Variants in SRGAP2 observed in about 807,000 individuals in gnomAD.
The protein encoded by SRGAP2 is SLIT-ROBO Rho GTPase activating protein 2.
Under a neutral mutation model 57.2 loss-of-function variants are expected in SRGAP2, and 15 were observed. The ratio of observed to expected loss-of-function variants is 0.26; its 90% CI spans 0.18 to 0.40. The LOEUF is 0.40. Ranked by LOEUF, SRGAP2 falls within the 10% of genes least tolerant of loss-of-function variation. The pLI is 1.00. For missense variants in SRGAP2, 520 were observed against 669.6 expected (o/e 0.78, Z 2.47); for synonymous variants, 249 against 248.0 (o/e 1.00, Z -0.04).
intron 2 of SRGAP2, among the ~76,000 whole-genome samples, chr1:206,262,289 C>G (rs538906415): frequency 4.9e-4 from 73 of 148,990 alleles, no homozygotes; most frequent in African/African-American, 1.8e-3. Flanking sequence ...TGATATCTAC[C>G]ATGCAGTGTT....
At chr1:206,426,540 G>A (rs1660813946) in intron 13 of SRGAP2, among the ~76,000 whole-genome samples, 1 of 152,150 alleles carries the variant, frequency 6.6e-6, no homozygotes, top group South Asian at 2.1e-4. Flanking sequence ...TTAGTTTCTT[G>A]AGGAGCTTCC....
intron 8 of SRGAP2, among the ~76,000 whole-genome samples, chr1:206,404,704 C>A (rs563390307): frequency 2.0e-5 from 3 of 152,228 alleles, no homozygotes; most frequent in Non-Finnish European, 1.5e-5. Flanking sequence ...AGATTCCATA[C>A]CCCCTCGGGC....
intron 14 of SRGAP2, among the ~76,000 whole-genome samples, chr1:206,435,899 T>C (rs1258111397): frequency 6.6e-6 from 1 of 152,218 alleles, no homozygotes; most frequent in Non-Finnish European, 1.5e-5. Context: ...GAAATTCTTG[T>C]GCACATTATC....
At chr1:206,457,322 G>C (rs782817832) in intron 21 of SRGAP2, among the ~76,000 whole-genome samples, 2 of 152,172 alleles carry the variant, frequency 1.3e-5, no homozygotes, top group South Asian at 4.1e-4. Context: ...TAAAAAAGAC[G>C]AGGTCCCTGA....
chr1:206,447,512 G>T (rs1398709013), intron 18 of SRGAP2, among the ~76,000 whole-genome samples: 3 of 152,294 alleles, frequency 2.0e-5, no homozygotes, highest in African/African-American at 7.2e-5. Flanking sequence ...GGTCCAAGCT[G>T]GAGGAACCTA....
rs1360335812 is a variant in SRGAP2, at chr1:206,464,143, T to A, written c.*2723T>A. 1.3e-5 allele frequency: 2 copies of A among 152,504 alleles called. No individual in the cohort carries two copies. Among genetic ancestry groups the A allele is most frequent in the African/African-American group, 4.8e-5 (2 of 41,408 alleles). The allele number at this position is 152,504 out of a possible 1,614,324, so 9.4% of individuals were successfully genotyped here. On this transcript the variant is annotated 3_prime_UTR_variant, in exon 23 of 23. Transcript: ENST00000573034. ...GCGCCCTGGCTTCTCCCCAAGGAGATGAGGAGCGGTGATGCCAGCACCGGG... is the reference window on the plus strand; with the variant it reads ...GCGCCCTGGCTTCTCCCCAAGGAGAAGAGGAGCGGTGATGCCAGCACCGGG...
chr1:206,333,532 T>G, intron 3 of SRGAP2: 1 of 984,578 alleles, frequency 1.0e-6, no homozygotes, highest in Non-Finnish European at 1.6e-6. Flanking sequence ...TCCGTCTCTA[T>G]TTATTTATTT....
At chr1:206,347,989 C>T (rs1215405819) in intron 4 of SRGAP2, among the ~76,000 whole-genome samples, 2 of 151,034 alleles carry the variant, frequency 1.3e-5, no homozygotes, top group Non-Finnish European at 2.9e-5. Flanking sequence ...AAATCTGGCT[C>T]ACAGCTAATT....
intron 14 of SRGAP2, among the ~76,000 whole-genome samples, chr1:206,432,602 A>G (rs1333388081): frequency 2.0e-5 from 3 of 152,232 alleles, no homozygotes; most frequent in African/African-American, 7.2e-5. Context: ...AATGAGTAAG[A>G]TTTCCTTGAA....
intron 3 of SRGAP2, among the ~76,000 whole-genome samples, chr1:206,337,146 T>C (rs548969104): frequency 1.2e-4 from 18 of 149,774 alleles, no homozygotes; most frequent in African/African-American, 4.3e-4. Context: ...GTTTTGGCAA[T>C]CTGTGCTCCC....
intron 4 of SRGAP2, among the ~76,000 whole-genome samples, chr1:206,363,069 A>T (rs1677026538): frequency 6.6e-6 from 1 of 151,232 alleles, no homozygotes; most frequent in South Asian, 2.1e-4. Flanking sequence ...AGAGGGGAGC[A>T]TAGGGGATTT....
At chr1:206,285,282 A>T in intron 2 of SRGAP2, among the ~76,000 whole-genome samples, 1 of 151,516 alleles carries the variant, frequency 6.6e-6, no homozygotes, top group East Asian at 1.9e-4. Flanking sequence ...GAAGATGCAG[A>T]TTATACCTGA....
intron 2 of SRGAP2, among the ~76,000 whole-genome samples, chr1:206,239,065 C>T (rs1668050204): frequency 6.6e-6 from 1 of 151,816 alleles, no homozygotes; most frequent in Admixed American, 6.6e-5. Context: ...TAAGAGAAGG[C>T]TATGGTCTTT....
rs1672244971 is a variant in SRGAP2, at chr1:206,306,940, CAG to C, written c.260+3470_260+3471del. 2.6e-5 allele frequency among the ~76,000 whole-genome samples: 4 copies of C among 151,432 alleles called. No homozygotes were observed. The South Asian group carries it at 6.3e-4, about 24-fold the overall frequency. On this transcript the variant is annotated intron_variant, in intron 3 of 22. Coordinates refer to ENST00000573034, the MANE Select transcript of SRGAP2 (RefSeq NM_015326.5). Reference sequence around the variant, plus strand: ...ACATCCTCACCAGAGCAGCTAGATACAGAGTGTCGATTGGTGCACTCACAAAT... The same window carrying C: ...ACATCCTCACCAGAGCAGCTAGATACAGTGTCGATTGGTGCACTCACAAAT...
intron 18 of SRGAP2, among the ~76,000 whole-genome samples, chr1:206,448,312 C>G (rs1662947067): frequency 6.6e-6 from 1 of 152,156 alleles, no homozygotes. Context: ...TTTCACCACA[C>G]TTTCCAGTCC....
intron 13 of SRGAP2, among the ~76,000 whole-genome samples, chr1:206,428,695 C>T (rs921877202): frequency 6.6e-6 from 1 of 152,158 alleles, no homozygotes; most frequent in Non-Finnish European, 1.5e-5. Flanking sequence ...CAGGGTCCCG[C>T]TCCATCACCC....
chr1:206,443,868 G>A (rs1179685318), intron 17 of SRGAP2, among the ~76,000 whole-genome samples: 1 of 152,144 alleles, frequency 6.6e-6, no homozygotes, highest in Non-Finnish European at 1.5e-5. Flanking sequence ...AGTTATTGAA[G>A]GAACTTGTGT....
intron 19 of SRGAP2, among the ~76,000 whole-genome samples, chr1:206,452,802 C>T (rs1326746213): frequency 2.8e-5 from 4 of 144,172 alleles, no homozygotes; most frequent in East Asian, 4.4e-4. Context: ...AGGAGAATCG[C>T]GTAAACCCGG....
chr1:206,445,966 G>T, intron 17 of SRGAP2, 109 bp from the exon 18 acceptor site: 1 of 665,244 alleles, frequency 1.5e-6, no homozygotes, highest in Non-Finnish European at 2.8e-6. Flanking sequence ...AAGGCAGGTG[G>T]CAATTTGTGG....
Sources: gnomAD v4.1 joint callset for allele counts (sites outside exome capture counted in the v4.1 genomes callset) on GRCh38, gnomAD v4.1.1 for gene constraint, MANE v1.5 for transcripts, NCBI Gene and HGNC (gene_info 2026-07-23, HGNC 2026-07-21) for gene names.